SV2C: variants seen among roughly 807,000 people sequenced by gnomAD.
SV2C encodes the protein synaptic vesicle glycoprotein 2C.
Under a neutral mutation model 79.7 loss-of-function variants are expected in SV2C, and 49 were observed. The observed-to-expected ratio is 0.61, with a 90% CI of 0.49 to 0.78. SV2C has a LOEUF of 0.78. Ranked by LOEUF, SV2C falls within the 30% of genes least tolerant of loss-of-function variation. SV2C has a pLI of 0.00. For missense variants in SV2C, 833 were observed against 912.9 expected, an observed-to-expected ratio of 0.91 and a Z score of 1.13; for synonymous variants, 334 against 333.2, an observed-to-expected ratio of 1.00 and a Z score of -0.03.
the SV2C span, among the ~76,000 whole-genome samples, chr5:75,984,734 G>T: frequency 2.0e-5 from 3 of 151,908 alleles, no homozygotes; most frequent in African/African-American, 7.3e-5. Flanking sequence ...AATTCCATAG[G>T]GCAAACCATC....
chr5:76,001,366 C>T, the SV2C span, among the ~76,000 whole-genome samples: 5 of 152,022 alleles, frequency 3.3e-5, no homozygotes, highest in Non-Finnish European at 7.4e-5. Flanking sequence ...TTTGGGAGGC[C>T]GGGGTGGGTG....
intron 2 of SV2C, among the ~76,000 whole-genome samples, chr5:76,151,443 GC>G (rs2112230361): frequency 6.6e-6 from 1 of 152,296 alleles, no homozygotes; most frequent in Admixed American, 6.5e-5. Context: ...TTGGGAGACT[GC>G]TGTGTGTGGA....
chr5:76,194,237 G>T (rs145558346), intron 2 of SV2C, among the ~76,000 whole-genome samples: 1 of 152,120 alleles, frequency 6.6e-6, no homozygotes, highest in African/African-American at 2.4e-5. Flanking sequence ...TCCACAGGCC[G>T]CTCCTGATCT....
At chr5:75,911,351 C>G in the SV2C span, 1 of 1,293,854 alleles carries the variant, frequency 7.7e-7, no homozygotes, top group Admixed American at 1.8e-5. Context: ...CAAACCCGCA[C>G]AGAAAATGAA....
chr5:76,040,457 C>T, the SV2C span, among the ~76,000 whole-genome samples: 3 of 152,158 alleles, frequency 2.0e-5, no homozygotes, highest in African/African-American at 7.2e-5. Flanking sequence ...TTGATACCAT[C>T]ATATAGAAGA....
At chr5:76,093,698 A>G (rs1747452652) in intron 1 of SV2C, among the ~76,000 whole-genome samples, 1 of 152,200 alleles carries the variant, frequency 6.6e-6, no homozygotes, top group South Asian at 2.1e-4. Context: ...TCTGAGCCGC[A>G]GTGATCTGGA....
At chr5:76,290,968 T>C (rs1747542209) in intron 6 of SV2C, among the ~76,000 whole-genome samples, 1 of 152,222 alleles carries the variant, frequency 6.6e-6, no homozygotes, top group African/African-American at 2.4e-5. Context: ...TGGTTTCACA[T>C]TATTCTATTA....
At chr5:76,272,909 C>T (rs1746915471) in intron 4 of SV2C, among the ~76,000 whole-genome samples, 1 of 151,700 alleles carries the variant, frequency 6.6e-6, no homozygotes, top group Non-Finnish European at 1.5e-5. Context: ...TATATAAATA[C>T]AAAAGTATAC....
chr5:75,914,448 C>T, the SV2C span, among the ~76,000 whole-genome samples: 1 of 152,114 alleles, frequency 6.6e-6, no homozygotes, highest in African/African-American at 2.4e-5. Flanking sequence ...GAAAATACAG[C>T]TCCACAGGTG....
intron 3 of SV2C, among the ~76,000 whole-genome samples, chr5:76,196,423 C>T (rs1314961319): frequency 6.6e-6 from 1 of 152,176 alleles, no homozygotes; most frequent in African/African-American, 2.4e-5. Flanking sequence ...TTTTTCTCCA[C>T]AGGGGAGCCC....
intron 2 of SV2C, among the ~76,000 whole-genome samples, chr5:76,170,546 T>C (rs916138027): frequency 2.3e-5 from 3 of 130,132 alleles, no homozygotes; most frequent in Non-Finnish European, 3.3e-5. Context: ...TTTGAAAATA[T>C]ACACTTCTTG....
At chr5:75,882,972 A>T in the SV2C span, among the ~76,000 whole-genome samples, 4 of 150,658 alleles carry the variant, frequency 2.7e-5, no homozygotes, top group Admixed American at 2.0e-4. Context: ...AGAATCTACA[A>T]TGAACTCAAA....
chr5:76,295,991 A>G (rs1156922136), intron 9 of SV2C, 49 bp downstream of exon 9: 3 of 1,503,506 alleles, frequency 2.0e-6, no homozygotes, highest in Non-Finnish European at 2.7e-6. Context: ...ACAAAAACTT[A>G]TTTCTTCTTA....
At chr5:76,151,292 G>A (rs1190107060) in intron 2 of SV2C, among the ~76,000 whole-genome samples, 1 of 152,228 alleles carries the variant, frequency 6.6e-6, no homozygotes, top group East Asian at 1.9e-4. Context: ...GTTTGTCGAA[G>A]TGTAGCATGC....
the SV2C span, among the ~76,000 whole-genome samples, chr5:76,066,373 T>C: frequency 7.0e-6 from 1 of 142,996 alleles, no homozygotes. Context: ...CTGCATGTTC[T>C]CACTCATAGG....
chr5:76,039,031 AT>A, the SV2C span, among the ~76,000 whole-genome samples: 2 of 152,164 alleles, frequency 1.3e-5, no homozygotes, highest in African/African-American at 4.8e-5. Flanking sequence ...GATGCTGGCT[AT>A]TTTTTCTTTA....
chr5:76,047,910 A>T, the SV2C span, among the ~76,000 whole-genome samples: 73 of 151,898 alleles, frequency 4.8e-4, 1 homozygote, highest in East Asian at 4.7e-3. Flanking sequence ...AGCTGGGACT[A>T]CAGGCACCCG....
chr5:76,162,381 C>T (rs1347032281), intron 2 of SV2C, among the ~76,000 whole-genome samples: 2 of 152,262 alleles, frequency 1.3e-5, no homozygotes, highest in Middle Eastern at 3.4e-3. Context: ...GTAATTGTCA[C>T]GGCACCCACA....
intron 12 of SV2C, among the ~76,000 whole-genome samples, chr5:76,316,070 A>G (rs1748606475): frequency 6.6e-6 from 1 of 152,234 alleles, no homozygotes; most frequent in East Asian, 1.9e-4. Context: ...CATGCTAAAT[A>G]AATCATTTCA....
Sources: gnomAD v4.1 joint callset for allele counts (sites outside exome capture counted in the v4.1 genomes callset) on GRCh38, gnomAD v4.1.1 for gene constraint, MANE v1.5 for transcripts, NCBI Gene and HGNC (gene_info 2026-07-23, HGNC 2026-07-21) for gene names.